ASF1B: variants seen among roughly 807,000 people sequenced by gnomAD.
ASF1B encodes the protein histone chaperone ASF1B.
Under a neutral mutation model 16.6 loss-of-function variants are expected in ASF1B, and 10 were observed. The ratio of observed to expected loss-of-function variants is 0.60; its 90% CI spans 0.37 to 1.02. ASF1B has a LOEUF of 1.02. Ranked by LOEUF, ASF1B falls within the 50% of genes least tolerant of loss-of-function variation. The probability of loss-of-function intolerance (pLI) is 0.01; values close to 1 mark genes in which losing one functional copy is unlikely to be tolerated. For synonymous variants in ASF1B, 101 were observed against 106.2 expected (o/e 0.95, Z 0.30); for missense variants, 240 against 266.0 (o/e 0.90, Z 0.68).
chr19:14,131,508 A>C (rs1040566456), intron 1 of ASF1B, among the ~76,000 whole-genome samples: 2 of 110,976 alleles, frequency 1.8e-5, no homozygotes, highest in African/African-American at 7.2e-5. Flanking sequence ...TTTGAGATGG[A>C]GTCTTGCTTT....
chr19:14,136,533 A>C lies in ASF1B; in HGVS notation c.-77T>G, dbSNP rs1434899739. On this transcript the variant is annotated 5_prime_UTR_variant, in exon 1 of 4. Coordinates refer to ENST00000263382, the MANE Select transcript of ASF1B (RefSeq NM_018154.3). ...GGCCGCGCCTGGGTCCGGTGGGGTCAGTGGGGTAGGGCTGACCAGGTCCAC... is the reference window on the plus strand; with the variant it reads ...GGCCGCGCCTGGGTCCGGTGGGGTCCGTGGGGTAGGGCTGACCAGGTCCAC... 7.6e-7 allele frequency: 1 copy of C among 1,320,874 alleles called. No individual in the cohort carries two copies. The highest frequency in any genetic ancestry group is 2.0e-5 in the Admixed American group (1 of 50,242). The allele number at this position is 1,320,874 out of a possible 1,614,324, so 81.8% of individuals were successfully genotyped here.
At position 14,120,417 on chromosome 19, in the gene ASF1B, G is replaced by C; in HGVS notation, c.*42C>G. The C allele has an allele frequency of 6.3e-7, 1 of 1,597,276 alleles. No homozygotes were observed. The highest frequency in any genetic ancestry group is 8.6e-7 in the Non-Finnish European group (1 of 1,168,952). ...CCTGCAGGACTCGCTGGGAGGCCTG[G>C]TTGCCCCTCCCGGCGTGCTGGGACA... On this transcript the variant is annotated 3_prime_UTR_variant, in exon 4 of 4. Coordinates refer to ENST00000263382, the MANE Select transcript of ASF1B (RefSeq NM_018154.3).
At chr19:14,136,097 T>A (rs1316801065) in intron 1 of ASF1B, among the ~76,000 whole-genome samples, 2 of 71,298 alleles carry the variant, frequency 2.8e-5, no homozygotes, top group African/African-American at 1.1e-4. Flanking sequence ...CCGAGTTAGC[T>A]GGCGGGGGGT....
rs756348906 is a variant in ASF1B at position 14,136,457 on chromosome 19, C to T, written c.-1G>A. On this transcript the variant is annotated 5_prime_UTR_variant, in exon 1 of 4. Coordinates refer to ENST00000263382, the MANE Select transcript of ASF1B (RefSeq NM_018154.3). ...CGTTCAGCACCGACACCTTGGCCAT[C>T]GCCTCGCCTCGCCGCGCCGCAGCAG... 2.5e-6 allele frequency: 4 copies of T among 1,611,578 alleles called. No homozygotes were observed. Among genetic ancestry groups the T allele is most frequent in the Non-Finnish European group, 3.4e-6 (4 of 1,178,452 alleles).
intron 1 of ASF1B, 28 bp downstream of exon 1, chr19:14,136,320 G>A (rs781721130): frequency 5.0e-6 from 8 of 1,596,144 alleles, no homozygotes; most frequent in Non-Finnish European, 6.9e-6. Flanking sequence ...GCCCGGGGGT[G>A]GGGGTCCCCG....
chr19:14,130,916 C>T (rs1967394408), intron 1 of ASF1B, among the ~76,000 whole-genome samples: 1 of 151,940 alleles, frequency 6.6e-6, no homozygotes, highest in Non-Finnish European at 1.5e-5. Context: ...CTTGCTCTGT[C>T]GCCCAGGCTG....
intron 1 of ASF1B, among the ~76,000 whole-genome samples, chr19:14,134,370 C>G (rs1282462680): frequency 6.6e-6 from 1 of 152,062 alleles, no homozygotes; most frequent in Non-Finnish European, 1.5e-5. Flanking sequence ...CGGGGAGAGA[C>G]AGACCCACTG....
At chr19:14,126,660 CAG>C (rs1275432121) in intron 1 of ASF1B, among the ~76,000 whole-genome samples, 1 of 152,072 alleles carries the variant, frequency 6.6e-6, no homozygotes, top group Admixed American at 6.6e-5. Context: ...TTAGTAGAGA[CAG>C]GGTTTCACCA....
At chr19:14,128,253 T>C (rs945330772) in intron 1 of ASF1B, among the ~76,000 whole-genome samples, 3 of 152,214 alleles carry the variant, frequency 2.0e-5, no homozygotes, top group African/African-American at 7.2e-5. Flanking sequence ...CCCTGTTCCT[T>C]GGTCCAGTGT....
At chr19:14,126,293 G>T in intron 1 of ASF1B, 56 bp from the exon 2 acceptor site, 1 of 1,306,106 alleles carries the variant, frequency 7.7e-7, no homozygotes, top group Non-Finnish European at 1.1e-6. Context: ...AAGAAGGCAG[G>T]GATAGGCTCT....
chr19:14,128,541 C>G (rs35698384), intron 1 of ASF1B, among the ~76,000 whole-genome samples: 15,415 of 152,234 alleles, frequency 0.1, 981 homozygotes, highest in Admixed American at 0.17. Context: ...GTGGCATAAT[C>G]ATAGCTCACT....
intron 3 of ASF1B, 74 bp downstream of exon 3, chr19:14,121,458 A>T: frequency 6.6e-7 from 1 of 1,507,352 alleles, no homozygotes; most frequent in Non-Finnish European, 9.1e-7. Context: ...CTTGACTCTC[A>T]ATTTGAATGG....
chr19:14,134,420 C>A (rs1416115407), intron 1 of ASF1B, among the ~76,000 whole-genome samples: 1 of 152,116 alleles, frequency 6.6e-6, no homozygotes, highest in African/African-American at 2.4e-5. Flanking sequence ...CTATCAGCTC[C>A]AAGCTAGTCC....
chr19:14,122,805 G>A (rs868622905), intron 2 of ASF1B, among the ~76,000 whole-genome samples: 1 of 152,190 alleles, frequency 6.6e-6, no homozygotes, highest in Non-Finnish European at 1.5e-5. Context: ...GAGGCAGGTG[G>A]TATCAGGCCA....
chr19:14,129,777 T>G (rs1467987037), intron 1 of ASF1B, among the ~76,000 whole-genome samples: 5 of 146,546 alleles, frequency 3.4e-5, no homozygotes, highest in Admixed American at 2.0e-4. Flanking sequence ...GGTGGATCAT[T>G]GGATCATGGC....
Position 14,120,216 on chromosome 19 carries a change from A to G in ASF1B, c.*243T>C. ...CTTAGTTAGAATTTATGAAGACGAA[A>G]AGAACACAAGTCAGAATTTAGAACT... is the stretch of plus-strand genomic sequence containing the variant. On this transcript the variant is annotated 3_prime_UTR_variant, in exon 4 of 4. Coordinates refer to ENST00000263382, the MANE Select transcript of ASF1B (RefSeq NM_018154.3). The G allele has an allele frequency of 2.0e-6, 1 of 498,476 alleles. No individual in the cohort carries two copies. Among genetic ancestry groups the G allele is most frequent in the Non-Finnish European group, 3.5e-6 (1 of 284,160 alleles). 30.9% of individuals were successfully genotyped at this position (498,476 alleles called of 1,614,324 possible). A position where few individuals can be genotyped will look rare whatever the true frequency, so the allele number is the denominator to read the frequency against.
chr19:14,136,573 T>G lies in ASF1B; in HGVS notation c.-117A>C. ...ACCAGGTCCACTCCCGCCTCTTCTCTCCGAGAACTGAAGTGCGCACCTAGT... is the reference window on the plus strand; with the variant it reads ...ACCAGGTCCACTCCCGCCTCTTCTCGCCGAGAACTGAAGTGCGCACCTAGT... On this transcript the variant is annotated 5_prime_UTR_variant, in exon 1 of 4. Transcript: ENST00000263382. The G allele has an allele frequency of 1.3e-6, 1 of 765,590 alleles. No individual in the cohort carries two copies. Among genetic ancestry groups the G allele is most frequent in the Non-Finnish European group, 2.1e-6 (1 of 487,294 alleles). The allele number at this position is 765,590 out of a possible 1,614,324, so 47.4% of individuals were successfully genotyped here.
intron 1 of ASF1B, among the ~76,000 whole-genome samples, chr19:14,133,254 CCTT>C (rs1182853188): frequency 1.3e-5 from 2 of 152,184 alleles, no homozygotes; most frequent in African/African-American, 4.8e-5. Context: ...AACAGGGAAT[CCTT>C]CCTTTCTTTC....
At chr19:14,130,184 A>C (rs1967380445) in intron 1 of ASF1B, among the ~76,000 whole-genome samples, 1 of 151,286 alleles carries the variant, frequency 6.6e-6, no homozygotes, top group Non-Finnish European at 1.5e-5. Context: ...TCAGCCTCCT[A>C]ATCAGCTGGG....
Sources: allele counts gnomAD v4.1 joint callset (sites outside exome capture counted in the v4.1 genomes callset), GRCh38; gene constraint gnomAD v4.1.1; transcripts MANE v1.5; gene names NCBI Gene and HGNC (gene_info 2026-07-23, HGNC 2026-07-21).